SCN9A: variants seen among roughly 807,000 people sequenced by gnomAD.
SCN9A encodes sodium voltage-gated channel alpha subunit 9.
In SCN9A, 131 loss-of-function variants were observed where a neutral mutation model predicts 187.0. The ratio of observed to expected loss-of-function variants is 0.70; its 90% CI spans 0.61 to 0.81. The LOEUF (loss-of-function observed/expected upper bound fraction) is 0.81, where lower values mean the gene tolerates loss of function less well. SCN9A is among the 30% of genes least tolerant of loss of function. The probability of loss-of-function intolerance (pLI) is 0.00; values close to 1 mark genes in which losing one functional copy is unlikely to be tolerated. For synonymous variants in SCN9A, 809 were observed against 808.6 expected (o/e 1.00, Z -0.01); for missense variants, 2,252 against 2,396.6 (o/e 0.94, Z 1.26).
chr2:166,281,411 A>G (rs569539664), intron 13 of SCN9A, among the ~76,000 whole-genome samples: 2 of 152,222 alleles, frequency 1.3e-5, no homozygotes, highest in South Asian at 2.1e-4. Context: ...ATCACCCAAC[A>G]TCTGTCTTTG....
intron 7 of SCN9A, chr2:166,301,009 A>G (rs1202167048): frequency 6.7e-6 from 1 of 150,290 alleles, no homozygotes; most frequent in African/African-American, 2.5e-5. Flanking sequence ...AGTTCAAGCG[A>G]TTCTCCTGCC....
chr2:166,342,559 A>G (rs1015802160), intron 1 of SCN9A, among the ~76,000 whole-genome samples: 2 of 152,122 alleles, frequency 1.3e-5, no homozygotes, highest in Non-Finnish European at 2.9e-5. Context: ...CACGTTTAGA[A>G]TAGAGTCTCC....
In SCN9A at chr2:166,284,455, T is replaced by C; in HGVS notation, c.1972A>G (p.Ser658Gly). 2 of 1,610,242 alleles carry C rather than the reference T, an allele frequency of 1.2e-6. No individual in the cohort carries two copies. The highest frequency in any genetic ancestry group is 8.5e-7 in the Non-Finnish European group (1 of 1,178,178). The change falls in exon 12 of 27, where the codon AGC becomes GGC. Residue 658 changes from serine to glycine, a missense_variant and splice_region_variant. Physicochemically the swap from Ser to Gly is moderately conservative, Grantham distance 56 (BLOSUM62 0). Around this residue, in one of 7 missense-constraint regions of SCN9A, gnomAD observed 1,013 missense variants for 997.4 expected, o/e 1.02. Transcript: ENST00000642356. ...TGAGCTATGTAAAACGTCCTTACGCTGTCATCAGAAGTTGCCTTATCTATT... is the reference window on the plus strand; with the variant it reads ...TGAGCTATGTAAAACGTCCTTACGCCGTCATCAGAAGTTGCCTTATCTATT... ...VIIDKATSDDSGTTNQIHKKR... is the reference protein window; with the variant it reads ...VIIDKATSDDGGTTNQIHKKR...
At chr2:166,226,851 T>A (rs948537564) in intron 23 of SCN9A, 147 bp from the exon 24 acceptor site, 9 of 469,810 alleles carry the variant, frequency 1.9e-5, no homozygotes, top group Non-Finnish European at 3.3e-5. Context: ...TTTAACATAA[T>A]CACTCTTAAC....
chr2:166,279,228 G>A (rs1465520964), intron 14 of SCN9A, among the ~76,000 whole-genome samples: 4 of 152,138 alleles, frequency 2.6e-5, no homozygotes, highest in African/African-American at 9.7e-5. Flanking sequence ...CTAACTCAGC[G>A]AGCACATGGG....
Position 166,251,875 on chromosome 2 carries a change from C to T in SCN9A, c.3362G>A (p.Arg1121Gln), listed in dbSNP as rs74401238. The T allele has an allele frequency of 0.019, 30,803 of 1,611,986 alleles. 374 individuals carry two copies. Among genetic ancestry groups the T allele is most frequent in the Middle Eastern group, 0.033 (202 of 6,052 alleles). Residue 1121 changes from arginine (R) to glutamine (Q), a missense_variant, in exon 18 of 27, where the codon CGG (arginine) becomes CAG (glutamine). Physicochemically the swap from Arg to Gln is conservative, Grantham distance 43. Coordinates refer to ENST00000642356, the MANE Select transcript of SCN9A (RefSeq NM_001365536.1). ...TGTGCTGCACTCTGAGGAGCTTGAC[C>T]GGTTTAATCTCTAGAAAGGAATTCA... ...DSEYSKVRLN[R>Q]SSSSECSTVD...
intron 6 of SCN9A, 61 bp from the exon 7 acceptor site, chr2:166,303,363 C>A: frequency 7.6e-7 from 1 of 1,316,694 alleles, no homozygotes; most frequent in Non-Finnish European, 1.1e-6. Flanking sequence ...AAACAAAAAA[C>A]ACAAGCTTTC....
rs753732662 is a variant in SCN9A at position 166,357,080 on chromosome 2, ATTAG to A, written c.-51+18613_-51+18616del. Among the ~76,000 whole-genome samples the A allele has an allele frequency of 2.0e-5, 3 of 152,108 alleles. No individual in the cohort carries two copies. The South Asian group carries it at 6.2e-4, about 32-fold the overall frequency. ...CACCAAGGTCTTAAGCCAAGTACTTATTAGTTATTTTTCCTGATCCCCTCCCTCC... is the reference window on the plus strand; with the variant it reads ...CACCAAGGTCTTAAGCCAAGTACTTATTATTTTTCCTGATCCCCTCCCTCC... On this transcript the variant is annotated intron_variant, in intron 1 of 26. Coordinates refer to ENST00000642356, the MANE Select transcript of SCN9A (RefSeq NM_001365536.1).
At chr2:166,313,098 G>T (rs149429956) in intron 1 of SCN9A, among the ~76,000 whole-genome samples, 630 of 31,334 alleles carry the variant, frequency 0.02, 7 homozygotes, top group African/African-American at 0.076. Flanking sequence ...TAATTATTAT[G>T]TAATTTTCTG....
intron 1 of SCN9A, among the ~76,000 whole-genome samples, chr2:166,335,549 G>T (rs1699605987): frequency 6.6e-6 from 1 of 152,078 alleles, no homozygotes; most frequent in African/African-American, 2.4e-5. Flanking sequence ...CACTAGAGTG[G>T]GACACTTACT....
chr2:166,340,019 AAG>A (rs1204128636), intron 1 of SCN9A, among the ~76,000 whole-genome samples: 2 of 152,134 alleles, frequency 1.3e-5, no homozygotes, highest in Admixed American at 1.3e-4. Context: ...GTCTGTTAGA[AAG>A]AGGGGATGAA....
chr2:166,209,909 A>C (rs1211456086), intron 24 of SCN9A, among the ~76,000 whole-genome samples: 1 of 152,178 alleles, frequency 6.6e-6, no homozygotes, highest in Non-Finnish European at 1.5e-5. Context: ...CGATTCCTCA[A>C]GGATCTAGAA....
chr2:166,306,243 A>G (rs1027423289), intron 4 of SCN9A, among the ~76,000 whole-genome samples: 2 of 152,100 alleles, frequency 1.3e-5, no homozygotes, highest in South Asian at 2.1e-4. Flanking sequence ...TAAAACATAC[A>G]CCCAAGAATA....
intron 2 of SCN9A, among the ~76,000 whole-genome samples, chr2:166,309,539 A>G (rs1400413612): frequency 2.0e-5 from 3 of 152,172 alleles, no homozygotes; most frequent in African/African-American, 7.2e-5. Flanking sequence ...AATCCAACTT[A>G]CAAGGGATGT....
chr2:166,337,894 T>C (rs1221554675), intron 1 of SCN9A, among the ~76,000 whole-genome samples: 1 of 152,090 alleles, frequency 6.6e-6, no homozygotes, highest in African/African-American at 2.4e-5. Flanking sequence ...CAATAAGAAC[T>C]CAATACATAC....
chr2:166,368,517 C>T (rs1297855060), intron 1 of SCN9A, among the ~76,000 whole-genome samples: 1 of 152,030 alleles, frequency 6.6e-6, no homozygotes, highest in Non-Finnish European at 1.5e-5. Flanking sequence ...CCTGTAATCC[C>T]AGCTACTTGG....
intron 1 of SCN9A, among the ~76,000 whole-genome samples, chr2:166,371,065 G>A (rs1406329165): frequency 6.6e-6 from 1 of 152,014 alleles, no homozygotes; most frequent in African/African-American, 2.4e-5. Flanking sequence ...TGAATAGCAA[G>A]GAAATTACAG....
chr2:166,224,356 A>G (rs1253639727), intron 24 of SCN9A, among the ~76,000 whole-genome samples: 1 of 152,178 alleles, frequency 6.6e-6, no homozygotes, highest in Non-Finnish European at 1.5e-5. Context: ...AAATGTCAGG[A>G]TAAATAATGC....
intron 1 of SCN9A, among the ~76,000 whole-genome samples, chr2:166,365,825 G>A (rs746650412): frequency 1.3e-5 from 2 of 152,040 alleles, no homozygotes; most frequent in Non-Finnish European, 2.9e-5. Context: ...GGATAGTGGC[G>A]AATATTTATC....
Sources: gnomAD v4.1 joint callset for allele counts (sites outside exome capture counted in the v4.1 genomes callset) on GRCh38, gnomAD v4.1.1 for gene constraint, gnomAD v4.1.1 regional missense constraint, MANE v1.5 for transcripts, NCBI Gene and HGNC (gene_info 2026-07-23, HGNC 2026-07-21) for gene names.